HDAC9: variants seen among roughly 807,000 people sequenced by gnomAD.
HDAC9 encodes the protein histone deacetylase 9.
Under a neutral mutation model 139.4 loss-of-function variants are expected in HDAC9, and 41 were observed. That is an observed-to-expected ratio of 0.29 (90% CI 0.23 to 0.38). The LOEUF (loss-of-function observed/expected upper bound fraction) is 0.38. Among genes scored for constraint, HDAC9 ranks in the 10% least tolerant of loss-of-function variants. HDAC9 has a pLI of 1.00. For synonymous variants in HDAC9, 517 were observed against 476.2 expected (o/e 1.09, Z -1.12); for missense variants, 1,147 against 1,297.0 (o/e 0.88, Z 1.78).
At chr7:18,834,933 T>C (rs1456593331) in intron 19 of HDAC9, among the ~76,000 whole-genome samples, 1 of 152,172 alleles carries the variant, frequency 6.6e-6, no homozygotes, top group Admixed American at 6.5e-5. Context: ...CTGTCAAGAA[T>C]TGCGAAAATG....
chr7:18,293,665 T>G (rs1170483284), intron 1 of HDAC9, among the ~76,000 whole-genome samples: 1 of 152,082 alleles, frequency 6.6e-6, no homozygotes, highest in Non-Finnish European at 1.5e-5. Flanking sequence ...AAGCATGGTT[T>G]AGGGTCGGAA....
Position 18,600,700 on chromosome 7 carries a change from T to A in HDAC9, c.664+6671T>A, listed in dbSNP as rs146919984. ...GTAACTTCATAGTAATTCTTAAAGT[T>A]GGGTACTGTCAGTCCTCTTAACTCT... On this transcript the variant is annotated intron_variant, in intron 6 of 25. Coordinates refer to ENST00000686413, the MANE Select transcript of HDAC9 (RefSeq NM_178425.4). 8.4e-3 allele frequency among the ~76,000 whole-genome samples: 1,274 copies of A among 152,334 alleles called. 11 individuals carry two copies. The highest frequency in any genetic ancestry group is 0.012 in the Non-Finnish European group (812 of 68,014).
At chr7:18,854,639 CTCTAG>C (rs1363977199) in intron 21 of HDAC9, among the ~76,000 whole-genome samples, 4 of 151,900 alleles carry the variant, frequency 2.6e-5, no homozygotes, top group African/African-American at 7.2e-5. Flanking sequence ...AAAGACACTA[CTCTAG>C]TCTAGTATGG....
chr7:18,947,235 A>T (rs1394048567), intron 23 of HDAC9, among the ~76,000 whole-genome samples: 2 of 152,006 alleles, frequency 1.3e-5, no homozygotes, highest in East Asian at 3.8e-4. Context: ...AGCAAATTAA[A>T]TGCAAAGAAA....
intron 2 of HDAC9, among the ~76,000 whole-genome samples, chr7:18,552,022 G>T (rs1817315506): frequency 6.6e-6 from 1 of 152,054 alleles, no homozygotes; most frequent in Non-Finnish European, 1.5e-5. Context: ...TGTTATTGTG[G>T]ACTTGTGCAT....
At chr7:18,736,858 T>C (rs2129138714) in intron 13 of HDAC9, among the ~76,000 whole-genome samples, 2 of 152,326 alleles carry the variant, frequency 1.3e-5, no homozygotes, top group African/African-American at 4.8e-5. Flanking sequence ...TGAATCCATC[T>C]GGTATTGGAC....
chr7:18,411,782 A>G (rs1585711488), intron 1 of HDAC9, among the ~76,000 whole-genome samples: 2 of 147,968 alleles, frequency 1.4e-5, no homozygotes, highest in African/African-American at 2.5e-5. Flanking sequence ...TGATGTTCAC[A>G]GTAGGTTTGG....
chr7:18,458,782 G>C (rs2128107926), intron 1 of HDAC9: 1 of 1,146,230 alleles, frequency 8.7e-7, no homozygotes, highest in South Asian at 1.3e-5. Flanking sequence ...GCTCTTGCTT[G>C]TCACTCCAAC....
At chr7:18,720,639 AT>A (rs992516272) in intron 12 of HDAC9, among the ~76,000 whole-genome samples, 2 of 151,292 alleles carry the variant, frequency 1.3e-5, no homozygotes, top group African/African-American at 2.4e-5. Flanking sequence ...AAAAAAAAAA[AT>A]GTGTTACCAA....
chr7:18,353,729 G>A (rs1008628551), intron 1 of HDAC9, among the ~76,000 whole-genome samples: 1 of 152,146 alleles, frequency 6.6e-6, no homozygotes, highest in African/African-American at 2.4e-5. Context: ...GAAAGATCTC[G>A]AGCTATTTTC....
chr7:18,382,116 C>T (rs988952132), intron 1 of HDAC9, among the ~76,000 whole-genome samples: 6 of 151,926 alleles, frequency 3.9e-5, no homozygotes, highest in African/African-American at 1.2e-4. Context: ...AGAAAACCTA[C>T]GTGGTATTTT....
At chr7:18,667,197 T>C in intron 12 of HDAC9, 6 of 985,320 alleles carry the variant, frequency 6.1e-6, no homozygotes, top group Non-Finnish European at 7.2e-6. Flanking sequence ...TTTGTGTAAT[T>C]TGATGACACT....
chr7:18,815,608 G>T (rs1035475280), intron 17 of HDAC9, among the ~76,000 whole-genome samples: 1 of 152,182 alleles, frequency 6.6e-6, no homozygotes, highest in African/African-American at 2.4e-5. Context: ...ACAGGCTGAA[G>T]GCTGTAGGCA....
intron 2 of HDAC9, among the ~76,000 whole-genome samples, chr7:18,509,695 T>C (rs939359616): frequency 6.6e-6 from 1 of 152,210 alleles, no homozygotes; most frequent in Non-Finnish European, 1.5e-5. Flanking sequence ...TCTGACACCA[T>C]CACTGATTTC....
chr7:18,988,391 C>T (rs1214212765), intron 25 of HDAC9, among the ~76,000 whole-genome samples: 1 of 151,814 alleles, frequency 6.6e-6, no homozygotes, highest in East Asian at 1.9e-4. Context: ...GCTTCTTAAT[C>T]CTGAGTTCTA....
At chr7:18,099,673 G>T (rs753164458) in intron 1 of HDAC9, among the ~76,000 whole-genome samples, 5 of 151,996 alleles carry the variant, frequency 3.3e-5, no homozygotes, top group Non-Finnish European at 5.9e-5. Flanking sequence ...TAGGCCAAAT[G>T]GAATAGTATT....
chr7:18,749,211 A>C (rs1441801963), intron 14 of HDAC9, 73 bp downstream of exon 14: 2 of 1,474,716 alleles, frequency 1.4e-6, no homozygotes, highest in Admixed American at 1.9e-5. Context: ...TCATTTGGGG[A>C]GTAATAGAAA....
chr7:18,653,515 G>C (rs932194305), intron 11 of HDAC9, among the ~76,000 whole-genome samples: 3 of 152,012 alleles, frequency 2.0e-5, no homozygotes, highest in African/African-American at 7.2e-5. Flanking sequence ...CATAAATCAT[G>C]AGATGATATC....
chr7:18,402,523 G>T (rs2128735459), intron 1 of HDAC9, among the ~76,000 whole-genome samples: 1 of 152,254 alleles, frequency 6.6e-6, no homozygotes, highest in East Asian at 1.9e-4. Flanking sequence ...GGTGAGCTGG[G>T]AGTGTAAAAC....
Sources: gnomAD v4.1 joint callset for allele counts (sites outside exome capture counted in the v4.1 genomes callset) on GRCh38, gnomAD v4.1.1 for gene constraint, MANE v1.5 for transcripts, NCBI Gene and HGNC (gene_info 2026-07-23, HGNC 2026-07-21) for gene names.